Variants in STARD8 observed in about 807,000 individuals in gnomAD.
The protein encoded by STARD8 is StAR related lipid transfer domain containing 8, also known as stAR-related lipid transfer protein 8.
A neutral mutation model predicts 69.4 loss-of-function variants in STARD8; 25 were observed. The ratio of observed to expected loss-of-function variants is 0.36; its 90% CI spans 0.26 to 0.50. STARD8 has a LOEUF of 0.50. Among genes scored for constraint, STARD8 ranks in the 20% least tolerant of loss-of-function variants. The pLI is 0.96. For missense variants in STARD8, 921 were observed against 932.5 expected (o/e 0.99, Z 0.16); for synonymous variants, 389 against 374.6 (o/e 1.04, Z -0.45).
rs184398301 is a variant in STARD8 at position 68,651,951 on chromosome X, G to A, written c.45+4024G>A. 4.7e-3 allele frequency among the ~76,000 whole-genome samples: 495 copies of A among 106,410 alleles called. 5 individuals carry two copies. The highest frequency in any genetic ancestry group is 0.016 in the African/African-American group (473 of 29,031). 92.4% of individuals were successfully genotyped at this position (106,410 alleles called of 115,157 possible). On this transcript the variant is annotated intron_variant, in intron 1 of 14. Coordinates refer to ENST00000374599, the MANE Select transcript of STARD8 (RefSeq NM_001142503.3). ...CAACCTCCACCTCCCGGGTTCAAGC[G>A]ATTCTCCTGCCTCAGCCTCCCGAGT...
In STARD8 at chrX:68,722,525, G is replaced by C. The variant is rs778852597; in HGVS notation, c.2678G>C (p.Gly893Ala). ...GAGCTGCGTCAGGCCCAAGCTGCAG[G>C]GGTAAGCCTGAGCCTCTACATGGAA... ...LAELRQAQAAGVSLSLYMEEN... is the reference protein window; with the variant it reads ...LAELRQAQAAAVSLSLYMEEN... Residue 893 changes from glycine to alanine, a missense_variant, in exon 12 of 15, where the codon GGG (glycine) becomes GCG (alanine). By Grantham distance (60) the Gly-to-Ala change is moderately conservative. Transcript: ENST00000374599. The C allele has an allele frequency of 1.7e-6, 2 of 1,211,838 alleles. No individual in the cohort carries two copies. The highest frequency in any genetic ancestry group is 5.9e-5 in the East Asian group (2 of 33,799).
At chrX:68,652,955 CACA>C (rs2079564861) in intron 1 of STARD8, among the ~76,000 whole-genome samples, 1 of 51,561 alleles carries the variant, frequency 1.9e-5, no homozygotes, top group Non-Finnish European at 3.8e-5. Flanking sequence ...CACCACACCA[CACA>C]CACACACCAC....
chrX:68,661,409 A>G (rs1421216478), intron 1 of STARD8, among the ~76,000 whole-genome samples: 6 of 111,905 alleles, frequency 5.4e-5, no homozygotes, highest in Non-Finnish European at 1.1e-4. Context: ...TTCTCTGAAA[A>G]AACTCATGAT....
At position 68,722,453 on chromosome X, in the gene STARD8, G is replaced by A. The variant is rs2080158884; in HGVS notation, c.2606G>A (p.Ser869Asn). The change falls in exon 12 of 15, where the codon AGC becomes AAC. Residue 869 changes from serine (S) to asparagine (N), a missense_variant. Transcript: ENST00000374599. ...VPQDMVLQLC[S>N]SYSAAELSPP... ...CAGGACATGGTGCTGCAGCTGTGCA[G>A]CTCCTACAGCGCAGCTGAGCTCAGC... is the stretch of plus-strand genomic sequence containing the variant. 1 of 1,206,920 alleles carries A rather than the reference G, an allele frequency of 8.3e-7. No homozygotes were observed. Among genetic ancestry groups the A allele is most frequent in the East Asian group, 3.0e-5 (1 of 33,617 alleles).
intron 2 of STARD8, among the ~76,000 whole-genome samples, chrX:68,690,136 G>A (rs753013670): frequency 8.6e-4 from 95 of 110,181 alleles, no homozygotes; most frequent in African/African-American, 3.1e-3. Flanking sequence ...AGGCTTCGTT[G>A]AGGCATGCGG....
intron 2 of STARD8, among the ~76,000 whole-genome samples, chrX:68,670,838 G>A (rs953505221): frequency 3.6e-5 from 4 of 111,677 alleles, no homozygotes; most frequent in Non-Finnish European, 5.6e-5. Flanking sequence ...AGTCACGGGC[G>A]TTACCTGGAC....
intron 2 of STARD8, among the ~76,000 whole-genome samples, chrX:68,680,944 T>C (rs1422921799): frequency 9.0e-6 from 1 of 110,975 alleles, no homozygotes; most frequent in Non-Finnish European, 1.9e-5. Context: ...TGTCTCCATT[T>C]AACAAGTGAG....
rs1288225833 is a variant in STARD8 at position 68,725,617 on chromosome X, TACAC to T, written c.*1201_*1204del. The T allele has an allele frequency of 2.9e-5, 3 of 104,865 alleles. No individual in the cohort carries two copies. The highest frequency in any genetic ancestry group is 5.8e-5 in the Non-Finnish European group (3 of 51,469). The allele number at this position is 104,865 out of a possible 1,213,427, so 8.6% of individuals were successfully genotyped here. On this transcript the variant is annotated 3_prime_UTR_variant, in exon 15 of 15. Transcript: ENST00000374599. ...GTGTGTGTATATGTGTTTATAGAGA[TACAC>T]ACACATATATATGTGTGTATATATA...
chrX:68,674,834 G>A (rs570414984), intron 2 of STARD8, among the ~76,000 whole-genome samples: 4 of 109,412 alleles, frequency 3.7e-5, no homozygotes, highest in African/African-American at 1.0e-4. Flanking sequence ...CCAGGCTGGA[G>A]TGCAGTGGTG....
intron 1 of STARD8, among the ~76,000 whole-genome samples, chrX:68,654,485 G>A (rs1216191850): frequency 9.0e-6 from 1 of 111,423 alleles, no homozygotes; most frequent in African/African-American, 3.3e-5. Flanking sequence ...CCAGTCGTGG[G>A]CCAACATGGG....
At chrX:68,703,728 C>G (rs913719801) in intron 2 of STARD8, among the ~76,000 whole-genome samples, 1 of 111,861 alleles carries the variant, frequency 8.9e-6, no homozygotes, top group African/African-American at 3.2e-5. Flanking sequence ...GGCACAGGGT[C>G]AAAACAGACA....
chrX:68,701,627 C>A (rs965324538), intron 2 of STARD8, among the ~76,000 whole-genome samples: 1 of 111,671 alleles, frequency 9.0e-6, no homozygotes, highest in South Asian at 3.8e-4. Flanking sequence ...TAAAACAGAG[C>A]TGCATTGGGG....
intron 1 of STARD8, chrX:68,656,515 A>G (rs2079611403): frequency 1.8e-5 from 2 of 112,239 alleles, no homozygotes; most frequent in African/African-American, 3.2e-5. Context: ...GTATATACCC[A>G]AAAGATTATA....
intron 2 of STARD8, among the ~76,000 whole-genome samples, chrX:68,706,964 C>T (rs757304476): frequency 7.3e-4 from 82 of 113,070 alleles, no homozygotes; most frequent in African/African-American, 2.4e-3. Context: ...CAGTGGTAGG[C>T]GACTCCTTGC....
At chrX:68,722,321 T>C (rs753591599) in intron 11 of STARD8, 101 bp from the exon 12 acceptor site, 1 of 863,198 alleles carries the variant, frequency 1.2e-6, no homozygotes. Flanking sequence ...TACCTTGCTG[T>C]GGTAGCTGCA....
chrX:68,703,149 A>C (rs2079978747), intron 2 of STARD8, among the ~76,000 whole-genome samples: 1 of 111,370 alleles, frequency 9.0e-6, no homozygotes, highest in South Asian at 3.8e-4. Context: ...AGTCCCAGCT[A>C]CTCTGGAGGC....
intron 1 of STARD8, among the ~76,000 whole-genome samples, chrX:68,651,319 G>A (rs1248050509): frequency 1.8e-5 from 2 of 112,902 alleles, no homozygotes; most frequent in African/African-American, 6.4e-5. Context: ...TGGCAGATGT[G>A]AATCAACACA....
chrX:68,664,073 G>C (rs1310876225), intron 1 of STARD8, among the ~76,000 whole-genome samples: 2 of 111,814 alleles, frequency 1.8e-5, no homozygotes, highest in Non-Finnish European at 3.8e-5. Flanking sequence ...TGGTATGGCA[G>C]TCATTGTGCA....
At chrX:68,718,716 G>C in intron 6 of STARD8, 87 bp downstream of exon 6, 2 of 1,102,820 alleles carry the variant, frequency 1.8e-6, no homozygotes, top group Non-Finnish European at 2.4e-6. Context: ...ATGAGGCCCA[G>C]GGCTAAGTGC....
Sources: gnomAD v4.1 joint callset for allele counts (sites outside exome capture counted in the v4.1 genomes callset) on GRCh38, gnomAD v4.1.1 for gene constraint, MANE v1.5 for transcripts, NCBI Gene and HGNC (gene_info 2026-07-23, HGNC 2026-07-21) for gene names.